Variants in MINDY2 observed in about 807,000 individuals in gnomAD.
MINDY2 encodes ubiquitin carboxyl-terminal hydrolase MINDY-2.
A neutral mutation model predicts 68.2 loss-of-function variants in MINDY2; 52 were observed. The ratio of observed to expected loss-of-function variants is 0.76; its 90% CI spans 0.61 to 0.96. MINDY2 has a LOEUF of 0.96. Among genes scored for constraint, MINDY2 ranks in the 40% least tolerant of loss-of-function variants. MINDY2 has a pLI of 0.00. For missense variants in MINDY2, 881 were observed against 773.4 expected (o/e 1.14, Z -1.65); for synonymous variants, 372 against 303.0 (o/e 1.23, Z -2.36).
chr15:58,836,577 C>T (rs2032003466), intron 6 of MINDY2, among the ~76,000 whole-genome samples: 1 of 152,080 alleles, frequency 6.6e-6, no homozygotes, highest in Non-Finnish European at 1.5e-5. Flanking sequence ...AGATAAGACA[C>T]TGCTTTACTT....
intron 1 of MINDY2, among the ~76,000 whole-genome samples, chr15:58,786,884 C>G (rs1196916285): frequency 2.0e-5 from 3 of 152,142 alleles, no homozygotes; most frequent in African/African-American, 7.2e-5. Flanking sequence ...GGCTGGAGTG[C>G]AATGGTGCAT....
intron 1 of MINDY2, among the ~76,000 whole-genome samples, chr15:58,786,764 A>G (rs1276007272): frequency 4.0e-5 from 6 of 151,494 alleles, no homozygotes; most frequent in African/African-American, 1.2e-4. Context: ...TCCAACTATA[A>G]CTCCTTCTGT....
At chr15:58,776,595 A>G (rs1189716642) in intron 1 of MINDY2, among the ~76,000 whole-genome samples, 1 of 152,248 alleles carries the variant, frequency 6.6e-6, no homozygotes, top group African/African-American at 2.4e-5. Flanking sequence ...TGACAGGTGT[A>G]GGGACAAGGT....
intron 6 of MINDY2, among the ~76,000 whole-genome samples, chr15:58,844,631 C>T (rs1259120027): frequency 2.8e-5 from 4 of 144,482 alleles, no homozygotes; most frequent in African/African-American, 1.0e-4. Context: ...AAAAAATAAA[C>T]GTCAGGCCAG....
chr15:58,807,353 C>CTTTTTTTT (rs58768604), intron 3 of MINDY2, among the ~76,000 whole-genome samples: 2 of 109,022 alleles, frequency 1.8e-5, no homozygotes, highest in African/African-American at 3.7e-5. Flanking sequence ...TTAAAATAGT[C>CTTTTTTTT]TTTTTTTTTT....
chr15:58,785,743 C>G (rs2140913631), intron 1 of MINDY2, among the ~76,000 whole-genome samples: 1 of 152,246 alleles, frequency 6.6e-6, no homozygotes, highest in East Asian at 1.9e-4. Flanking sequence ...GTGGCACGAT[C>G]TCTGCTCACT....
chr15:58,852,265 A>G (rs887866226), intron 8 of MINDY2, among the ~76,000 whole-genome samples: 1 of 136,224 alleles, frequency 7.3e-6, no homozygotes, highest in African/African-American at 2.8e-5. Context: ...TCCAGTCAGG[A>G]TGATAGAGCA....
At chr15:58,786,867 T>C (rs1445438725) in intron 1 of MINDY2, among the ~76,000 whole-genome samples, 1 of 152,202 alleles carries the variant, frequency 6.6e-6, no homozygotes, top group African/African-American at 2.4e-5. Flanking sequence ...TTCACTCTTG[T>C]CACCCAGGCT....
rs148002650 is a variant in MINDY2 at position 58,797,733 on chromosome 15, G to A, written c.899-4580G>A. On this transcript the variant is annotated intron_variant, in intron 2 of 8. Coordinates refer to ENST00000559228, the MANE Select transcript of MINDY2 (RefSeq NM_001040450.3). Reference sequence around the variant, plus strand: ...CATTTACCTAACCTCTTCCCTGCTCGTTATCACTAGCACTCTACTTGACTT... The same window carrying A: ...CATTTACCTAACCTCTTCCCTGCTCATTATCACTAGCACTCTACTTGACTT... Among the ~76,000 whole-genome samples, 106 of 152,118 alleles carry A rather than the reference G, an allele frequency of 7.0e-4. No homozygotes were observed. The East Asian group carries it at 0.013, about 19-fold the overall frequency.
chr15:58,771,377 T>G lies in MINDY2; in HGVS notation c.-19T>G. ...GAAGTGGCCGCGGTCTCCATAGAGC[T>G]GGGGGCGGGCGGCCCGGTATGGAGA... is the stretch of plus-strand genomic sequence containing the variant. On this transcript the variant is annotated 5_prime_UTR_variant, in exon 1 of 9. Transcript: ENST00000559228. 2.5e-6 allele frequency: 4 copies of G among 1,594,830 alleles called. No individual in the cohort carries two copies. Among genetic ancestry groups the G allele is most frequent in the Non-Finnish European group, 3.4e-6 (4 of 1,172,576 alleles).
intron 2 of MINDY2, among the ~76,000 whole-genome samples, chr15:58,798,151 C>T (rs919626599): frequency 4.6e-5 from 7 of 152,124 alleles, no homozygotes; most frequent in Non-Finnish European, 1.0e-4. Flanking sequence ...GAGTCTTGCT[C>T]TTTCGCCCAG....
chr15:58,806,889 G>C (rs868155051), intron 3 of MINDY2, among the ~76,000 whole-genome samples: 5 of 152,034 alleles, frequency 3.3e-5, no homozygotes, highest in African/African-American at 1.2e-4. Context: ...ATGTTGTTTG[G>C]GGGGAACAGT....
intron 7 of MINDY2, among the ~76,000 whole-genome samples, chr15:58,851,415 T>C (rs995837025): frequency 5.3e-5 from 8 of 152,108 alleles, no homozygotes; most frequent in Non-Finnish European, 8.8e-5. Context: ...TTATTTTATA[T>C]TGTTTTCTTT....
chr15:58,771,851 C>G lies in MINDY2; in HGVS notation c.456C>G (p.Ser152Arg). The G allele has an allele frequency of 6.3e-7, 1 of 1,595,344 alleles. No homozygotes were observed. The highest frequency in any genetic ancestry group is 1.1e-5 in the South Asian group (1 of 89,436). The change falls in exon 1 of 9, where the codon AGC becomes AGG. Residue 152 changes from serine to arginine, a missense_variant. Coordinates refer to ENST00000559228, the MANE Select transcript of MINDY2 (RefSeq NM_001040450.3). ...ELTAAGSEEP[S>R]SAGGLSSSCS... is the part of the protein sequence containing the mutation. ...CCGCCGCCGGCTCCGAAGAGCCCAG[C>G]AGCGCCGGCGGCCTCAGCAGCAGTT... is the stretch of plus-strand genomic sequence containing the variant.
rs34666834 is a variant in MINDY2 at position 58,826,225 on chromosome 15, CT to C, written c.1225+4427del. Among the ~76,000 whole-genome samples, 305 of 98,156 alleles carry C rather than the reference CT, an allele frequency of 3.1e-3. 2 individuals carry two copies. The highest frequency in any genetic ancestry group is 0.01 in the African/African-American group (248 of 24,486). 64.4% of individuals were successfully genotyped at this position (98,156 alleles called of 152,430 possible). On this transcript the variant is annotated intron_variant, in intron 5 of 8. Coordinates refer to ENST00000559228, the MANE Select transcript of MINDY2 (RefSeq NM_001040450.3). Reference sequence around the variant, plus strand: ...TTCTTTTTTTCTGTATTCACACAATCTTTTTTTTTTTTTTTTTTTTTGAGAT... The same window carrying C: ...TTCTTTTTTTCTGTATTCACACAATCTTTTTTTTTTTTTTTTTTTTGAGAT...
intron 6 of MINDY2, among the ~76,000 whole-genome samples, chr15:58,847,018 AC>A (rs1265878560): frequency 2.0e-5 from 3 of 151,992 alleles, no homozygotes; most frequent in South Asian, 4.2e-4. Context: ...GAGATTATAA[AC>A]CCCCCCAAAG....
chr15:58,856,743 G>A lies in MINDY2; in HGVS notation c.*2133G>A, dbSNP rs1395619070. ...CTCAGGGTTTGTTTTTCCCGGGACA[G>A]ATAGTAGTGATAGTGCATTATATTT... is the stretch of plus-strand genomic sequence containing the variant. On this transcript the variant is annotated 3_prime_UTR_variant, in exon 9 of 9. Transcript: ENST00000559228. The A allele has an allele frequency of 1.3e-5, 2 of 152,208 alleles. No individual in the cohort carries two copies. Among genetic ancestry groups the A allele is most frequent in the African/African-American group, 4.8e-5 (2 of 41,448 alleles). The allele number at this position is 152,208 out of a possible 1,614,324, so 9.4% of individuals were successfully genotyped here. A position where few individuals can be genotyped will look rare whatever the true frequency, so the allele number is the denominator to read the frequency against.
intron 2 of MINDY2, among the ~76,000 whole-genome samples, chr15:58,798,966 A>G (rs1263052443): frequency 1.3e-5 from 2 of 152,226 alleles, no homozygotes; most frequent in African/African-American, 2.4e-5. Flanking sequence ...AACATAGGAC[A>G]GATAATTTTA....
chr15:58,815,781 G>A (rs2140986588), intron 4 of MINDY2: 1 of 152,228 alleles, frequency 6.6e-6, no homozygotes, highest in South Asian at 2.1e-4. Flanking sequence ...CCGGGTTCAA[G>A]TGATTTTCCT....
Sources: allele counts gnomAD v4.1 joint callset (sites outside exome capture counted in the v4.1 genomes callset), GRCh38; gene constraint gnomAD v4.1.1; transcripts MANE v1.5; gene names NCBI Gene and HGNC (gene_info 2026-07-23, HGNC 2026-07-21).